SULF2: variants seen among roughly 807,000 people sequenced by gnomAD.
SULF2 encodes sulfatase 2, also known as extracellular sulfatase Sulf-2.
In SULF2, 52 loss-of-function variants were observed where a neutral mutation model predicts 107.7. The ratio of observed to expected loss-of-function variants is 0.48; its 90% confidence interval spans 0.39 to 0.61. SULF2 has a LOEUF of 0.61. Among genes scored for constraint, SULF2 ranks in the 20% least tolerant of loss-of-function variants. SULF2 has a pLI of 0.00. For synonymous variants in SULF2, 460 were observed against 464.3 expected (o/e 0.99, Z 0.12); for missense variants, 993 against 1,177.3 (o/e 0.84, Z 2.29).
At chr20:47,761,183 C>A (rs1052729838) in intron 1 of SULF2, among the ~76,000 whole-genome samples, 13 of 152,206 alleles carry the variant, frequency 8.5e-5, no homozygotes, top group African/African-American at 3.1e-4. Flanking sequence ...TCAACCTCCA[C>A]CAAGGCTCCC....
intron 5 of SULF2, among the ~76,000 whole-genome samples, chr20:47,687,078 G>A (rs1018187510): frequency 6.6e-6 from 1 of 152,172 alleles, no homozygotes; most frequent in African/African-American, 2.4e-5. Context: ...CCAAGGGCCC[G>A]GATTCCAGGA....
intron 4 of SULF2, among the ~76,000 whole-genome samples, chr20:47,697,167 T>C (rs2088407667): frequency 6.6e-6 from 1 of 152,168 alleles, no homozygotes; most frequent in Non-Finnish European, 1.5e-5. Flanking sequence ...CTCTAGGTCA[T>C]TCTCACTTCC....
chr20:47,690,086 G>A, intron 5 of SULF2, 40 bp downstream of exon 5: 1 of 1,376,754 alleles, frequency 7.3e-7, no homozygotes, highest in Non-Finnish European at 9.5e-7. Context: ...CCCCCTTCAT[G>A]CTAAGCAGTG....
chr20:47,722,207 T>C (rs536550214), intron 3 of SULF2, among the ~76,000 whole-genome samples: 2 of 152,308 alleles, frequency 1.3e-5, no homozygotes, highest in African/African-American at 4.8e-5. Context: ...CTAAATTCCA[T>C]TTTGTTTTTA....
intron 3 of SULF2, among the ~76,000 whole-genome samples, chr20:47,713,299 G>C (rs764893754): frequency 2.0e-5 from 3 of 152,166 alleles, no homozygotes; most frequent in Admixed American, 6.5e-5. Flanking sequence ...GCAGAGGCCA[G>C]GGATGCTGCT....
chr20:47,741,102 T>C (rs116456546), intron 2 of SULF2, among the ~76,000 whole-genome samples: 2,690 of 152,320 alleles, frequency 0.018, 94 homozygotes, highest in African/African-American at 0.061. Context: ...AGTTGCTTCC[T>C]GATTGGACTC....
intron 5 of SULF2, among the ~76,000 whole-genome samples, chr20:47,686,886 C>T (rs2088022628): frequency 6.6e-6 from 1 of 152,174 alleles, no homozygotes; most frequent in Non-Finnish European, 1.5e-5. Context: ...CGGCCAGGCT[C>T]TCCTGTGGGC....
At chr20:47,658,521 G>C (rs2086966320) in intron 20 of SULF2, 129 bp from the exon 21 acceptor site, 11 of 1,011,496 alleles carry the variant, frequency 1.1e-5, no homozygotes, top group Non-Finnish European at 1.7e-5. Flanking sequence ...AGGTTACTTA[G>C]AACGGGATTG....
chr20:47,682,528 C>T (rs543852214), intron 7 of SULF2, among the ~76,000 whole-genome samples: 6 of 152,304 alleles, frequency 3.9e-5, no homozygotes, highest in South Asian at 2.1e-4. Flanking sequence ...CTGCGGCCCA[C>T]GTGGTCCTCC....
intron 4 of SULF2, 120 bp downstream of exon 4, chr20:47,702,398 CT>C: frequency 8.4e-7 from 1 of 1,186,884 alleles, no homozygotes; most frequent in South Asian, 1.6e-5. Context: ...ATGTAAAATG[CT>C]CAAGGTCACA....
chr20:47,668,035 T>C (rs926963448), intron 11 of SULF2, among the ~76,000 whole-genome samples: 1 of 152,212 alleles, frequency 6.6e-6, no homozygotes, highest in Non-Finnish European at 1.5e-5. Flanking sequence ...TCCTGGGCAC[T>C]TCTCTCCCTC....
intron 3 of SULF2, among the ~76,000 whole-genome samples, chr20:47,708,305 T>C (rs546468874): frequency 7.2e-5 from 11 of 152,058 alleles, no homozygotes; most frequent in Non-Finnish European, 1.5e-4. Context: ...GCAGAGGGAA[T>C]TGGCAGGTAC....
Position 47,661,787 on chromosome 20 carries a change from C to A in SULF2, c.2480G>T (p.Arg827Leu). 1 of 1,545,706 alleles carries A rather than the reference C, an allele frequency of 6.5e-7. No individual in the cohort carries two copies. The highest frequency in any genetic ancestry group is 8.8e-7 in the Non-Finnish European group (1 of 1,133,488). ...KGYKQCNPRT[R>L]NMDLGLKDGG... ...TGCCTACTCACCCAGGTCCATGTTT[C>A]GAGTCCGGGGGTTACACTGCTTGTA... The change falls in exon 18 of 21, where the codon CGA becomes CTA. Residue 827 changes from arginine to leucine, a missense_variant. By Grantham distance (102) the Arg-to-Leu change is moderately radical (BLOSUM62 -2). Transcript: ENST00000688720.
At position 47,672,201 on chromosome 20, in the gene SULF2, T is replaced by C; in HGVS notation, c.1573A>G (p.Lys525Glu). The C allele has an allele frequency of 6.2e-7, 1 of 1,606,714 alleles. No individual in the cohort carries two copies. The highest frequency in any genetic ancestry group is 8.5e-7 in the Non-Finnish European group (1 of 1,174,750). Residue 525 changes from lysine (K) to glutamate (E), a missense_variant, in exon 11 of 21, where the codon AAG becomes GAG. By Grantham distance (56) the Lys-to-Glu change is moderately conservative. Around this residue, in one of 3 missense-constraint regions of SULF2, gnomAD observed 497 missense variants for 544.1 expected, o/e 0.91. Transcript: ENST00000688720. ...TCAGCCAGGTTGTGACACTTACTCT[T>C]CTTGAAGAGTTTTTTCCGGCGTCCG... ...LAGRRKKLFKKKYKASYVRSR... is the reference protein window; with the variant it reads ...LAGRRKKLFKEKYKASYVRSR...
At chr20:47,699,769 G>T (rs1019226823) in intron 4 of SULF2, among the ~76,000 whole-genome samples, 1 of 152,156 alleles carries the variant, frequency 6.6e-6, no homozygotes, top group Non-Finnish European at 1.5e-5. Context: ...AGATTTCATA[G>T]GTAAAAAATA....
At chr20:47,670,436 C>T (rs773994993) in intron 11 of SULF2, among the ~76,000 whole-genome samples, 115 of 151,580 alleles carry the variant, frequency 7.6e-4, no homozygotes, top group Admixed American at 2.5e-3. Flanking sequence ...AGGCAATCCG[C>T]CTGCCTTGGC....
chr20:47,712,083 C>CA (rs1399454107), intron 3 of SULF2, among the ~76,000 whole-genome samples: 3 of 152,144 alleles, frequency 2.0e-5, no homozygotes, highest in Admixed American at 6.5e-5. Context: ...TATAAAATCC[C>CA]AAAAAAGACA....
chr20:47,744,516 G>A (rs1411308016), intron 2 of SULF2, among the ~76,000 whole-genome samples: 1 of 152,184 alleles, frequency 6.6e-6, no homozygotes, highest in Non-Finnish European at 1.5e-5. Context: ...GCACGGGTCT[G>A]CAGGCCTGTC....
At chr20:47,663,872 T>A (rs2087172297) in intron 15 of SULF2, among the ~76,000 whole-genome samples, 1 of 152,174 alleles carries the variant, frequency 6.6e-6, no homozygotes, top group African/African-American at 2.4e-5. Flanking sequence ...CTACTGGGAC[T>A]CCTGTTGACA....
Sources: allele counts gnomAD v4.1 joint callset (sites outside exome capture counted in the v4.1 genomes callset), GRCh38; gene constraint gnomAD v4.1.1; regional missense constraint gnomAD v4.1.1; transcripts MANE v1.5; gene names NCBI Gene and HGNC (gene_info 2026-07-23, HGNC 2026-07-21).